Variants in TCP11L2 observed in about 807,000 individuals in gnomAD.
TCP11L2 encodes the protein t-complex 11 like 2, also known as T-complex protein 11-like protein 2.
A neutral mutation model predicts 50.7 loss-of-function variants in TCP11L2; 39 were observed. That is an observed-to-expected ratio of 0.77 (90% CI 0.60 to 1.01). The LOEUF (loss-of-function observed/expected upper bound fraction) is 1.01, where lower values mean the gene tolerates loss of function less well. Ranked by LOEUF, TCP11L2 falls within the 50% of genes least tolerant of loss-of-function variation. The pLI, the probability that TCP11L2 is intolerant of heterozygous loss-of-function variation, is 0.00. For synonymous variants in TCP11L2, 192 were observed against 219.3 expected (o/e 0.88, Z 1.10); for missense variants, 612 against 614.7 (o/e 1.00, Z 0.05).
At chr12:106,306,720 T>G (rs1198210358) in intron 1 of TCP11L2, among the ~76,000 whole-genome samples, 3 of 152,230 alleles carry the variant, frequency 2.0e-5, no homozygotes, top group African/African-American at 7.2e-5. Flanking sequence ...TACTAGGAGC[T>G]TAAGTACTTG....
At chr12:106,331,414 C>T (rs1020265987) in intron 6 of TCP11L2, among the ~76,000 whole-genome samples, 15 of 152,184 alleles carry the variant, frequency 9.9e-5, no homozygotes, top group South Asian at 2.1e-4. Context: ...TTTTATTCCA[C>T]GGGTGATCAC....
chr12:106,342,054 C>T lies in TCP11L2; in HGVS notation c.1315+1056C>T, dbSNP rs112803029. Among the ~76,000 whole-genome samples the T allele has an allele frequency of 4.6e-3, 707 of 152,192 alleles. 3 individuals are homozygous for T. Among genetic ancestry groups the T allele is most frequent in the African/African-American group, 0.016 (670 of 41,526 alleles). ...GGCCATAAGGAAGGGGAGAAGCTGC[C>T]GTGTGGTACAAAGCAGTTGTCTACT... On this transcript the variant is annotated intron_variant, in intron 9 of 9. Transcript: ENST00000299045.
chr12:106,330,124 T>C (rs1305799220), intron 6 of TCP11L2: 1 of 985,298 alleles, frequency 1.0e-6, no homozygotes, highest in Non-Finnish European at 1.2e-6. Context: ...TGGGAAACCT[T>C]AGAACTGGGC....
At chr12:106,318,754 A>G (rs543308545) in intron 4 of TCP11L2, among the ~76,000 whole-genome samples, 4 of 152,296 alleles carry the variant, frequency 2.6e-5, no homozygotes, top group African/African-American at 9.6e-5. Flanking sequence ...TCTGTTGCCT[A>G]GGCTGGAGTG....
Position 106,306,659 on chromosome 12 carries a change from T to C in TCP11L2, c.-36+3718T>C, listed in dbSNP as rs553843752. Among the ~76,000 whole-genome samples the C allele has an allele frequency of 3.3e-5, 5 of 152,354 alleles. No individual in the cohort carries two copies. The South Asian group carries it at 1.0e-3, about 32-fold the overall frequency. On this transcript the variant is annotated intron_variant, in intron 1 of 9. Transcript: ENST00000299045. ...TTTATGACATTACATTTTCGGAACT[T>C]GTAACTTCTTTTAATAAGAATAAAA...
intron 3 of TCP11L2, among the ~76,000 whole-genome samples, chr12:106,314,897 G>A (rs1306871686): frequency 2.6e-5 from 4 of 151,500 alleles, no homozygotes; most frequent in East Asian, 1.9e-4. Context: ...TACAGGTACC[G>A]GGGAGGCTGA....
chr12:106,324,736 G>A (rs2035477592), intron 6 of TCP11L2: 1 of 152,194 alleles, frequency 6.6e-6, no homozygotes, highest in Non-Finnish European at 1.5e-5. Context: ...AATCAGATTT[G>A]CTGAAGATTG....
intron 3 of TCP11L2, among the ~76,000 whole-genome samples, chr12:106,317,620 A>G (rs1029907940): frequency 6.6e-6 from 1 of 152,250 alleles, no homozygotes; most frequent in Non-Finnish European, 1.5e-5. Flanking sequence ...AATGGTAAGT[A>G]CCTACCTGGA....
At chr12:106,310,951 G>C in intron 1 of TCP11L2, 90 bp from the exon 2 acceptor site, 1 of 1,199,690 alleles carries the variant, frequency 8.3e-7, no homozygotes, top group Non-Finnish European at 1.2e-6. Flanking sequence ...AGTGACACTT[G>C]TGGGGACAGT....
At chr12:106,309,512 TG>T (rs1288894352) in intron 1 of TCP11L2, among the ~76,000 whole-genome samples, 1 of 151,892 alleles carries the variant, frequency 6.6e-6, no homozygotes, top group African/African-American at 2.4e-5. Flanking sequence ...AAGGCGCAAA[TG>T]ACCTTAGACC....
At chr12:106,327,835 G>A (rs2035612347) in intron 6 of TCP11L2, among the ~76,000 whole-genome samples, 1 of 152,156 alleles carries the variant, frequency 6.6e-6, no homozygotes, top group Admixed American at 6.5e-5. Flanking sequence ...TGCCTAAGAG[G>A]AGATTTTATA....
chr12:106,322,430 C>T (rs933708302), intron 5 of TCP11L2, among the ~76,000 whole-genome samples: 3 of 152,154 alleles, frequency 2.0e-5, no homozygotes, highest in Non-Finnish European at 2.9e-5. Context: ...TAGTTACAGC[C>T]TGGAAATACT....
At chr12:106,313,718 T>A (rs1298787614) in intron 2 of TCP11L2, among the ~76,000 whole-genome samples, 1 of 151,314 alleles carries the variant, frequency 6.6e-6, no homozygotes, top group Admixed American at 6.6e-5. Flanking sequence ...ATATAATACA[T>A]ATAATAAGTG....
intron 6 of TCP11L2, chr12:106,325,340 A>T (rs1469733483): frequency 6.6e-6 from 1 of 152,442 alleles, no homozygotes; most frequent in Non-Finnish European, 1.5e-5. Context: ...CAGCAGCTAG[A>T]AGCTGAAGTT....
At position 106,335,633 on chromosome 12, in the gene TCP11L2, T is replaced by C; in HGVS notation, c.773-6T>C. The C allele has an allele frequency of 6.2e-7, 1 of 1,613,526 alleles. No individual in the cohort carries two copies. The highest frequency in any genetic ancestry group is 8.5e-7 in the Non-Finnish European group (1 of 1,179,784). ...TAGAACAAATATGTGGCCTTTTCAC[T>C]CTTAGGTGCTCTTGATCAGACTACA... On this transcript the variant is annotated splice_polypyrimidine_tract_variant and splice_region_variant and intron_variant, in intron 6 of 9. Transcript: ENST00000299045.
chr12:106,323,739 TAAATTAATA>T (rs771879139), intron 6 of TCP11L2, 93 bp downstream of exon 6: 51 of 414,326 alleles, frequency 1.2e-4, no homozygotes, highest in African/African-American at 7.0e-4. Flanking sequence ...TAAATTAAAT[TAAATTAATA>T]AATAAATAAA....
intron 3 of TCP11L2, among the ~76,000 whole-genome samples, chr12:106,317,806 A>G (rs2035156772): frequency 2.6e-5 from 4 of 152,236 alleles, no homozygotes; most frequent in Admixed American, 1.3e-4. Context: ...TAAGGGGTGA[A>G]GCAAGGTGGC....
At chr12:106,318,032 C>G (rs578089908) in intron 3 of TCP11L2, among the ~76,000 whole-genome samples, 16 of 152,236 alleles carry the variant, frequency 1.1e-4, no homozygotes, top group African/African-American at 3.6e-4. Flanking sequence ...GTCTAAAGAT[C>G]TATATAGAAG....
chr12:106,312,494 G>T, intron 2 of TCP11L2: 1 of 956,122 alleles, frequency 1.0e-6, no homozygotes, highest in Non-Finnish European at 1.3e-6. Flanking sequence ...CTGACACCAG[G>T]GTACCTAGGC....
Sources: allele counts gnomAD v4.1 joint callset (sites outside exome capture counted in the v4.1 genomes callset), GRCh38; gene constraint gnomAD v4.1.1; transcripts MANE v1.5; gene names NCBI Gene and HGNC (gene_info 2026-07-23, HGNC 2026-07-21).